Variants in C8orf34 observed in about 807,000 individuals in gnomAD.
C8orf34 encodes the protein chromosome 8 open reading frame 34.
Under a neutral mutation model 68.3 loss-of-function variants are expected in C8orf34, and 65 were observed. The observed-to-expected ratio is 0.95, with a 90% CI of 0.78 to 1.17. The LOEUF (loss-of-function observed/expected upper bound fraction) is 1.17, where lower values mean the gene tolerates loss of function less well. Ranked by LOEUF, C8orf34 falls within the 50% of genes most tolerant of loss-of-function variation. The pLI is 0.00. For synonymous variants in C8orf34, 244 were observed against 241.2 expected, an observed-to-expected ratio of 1.01 and a Z score of -0.11; for missense variants, 664 against 655.4, an observed-to-expected ratio of 1.01 and a Z score of -0.14.
At chr8:68,454,215 G>T (rs1021618950) in intron 3 of C8orf34, among the ~76,000 whole-genome samples, 7 of 151,992 alleles carry the variant, frequency 4.6e-5, no homozygotes, top group Non-Finnish European at 1.0e-4. Flanking sequence ...AAAGATATTG[G>T]TCTGTAATCT....
chr8:68,783,523 C>CAA (rs775189886), intron 11 of C8orf34, among the ~76,000 whole-genome samples: 974 of 52,772 alleles, frequency 0.018, 40 homozygotes, highest in African/African-American at 0.06. Flanking sequence ...GACTTCATCT[C>CAA]AAAAAAAAAA....
intron 5 of C8orf34, among the ~76,000 whole-genome samples, chr8:68,498,250 G>C (rs1394100748): frequency 6.6e-6 from 1 of 152,238 alleles, no homozygotes; most frequent in African/African-American, 2.4e-5. Context: ...TGGCAGAAGA[G>C]ATGGTATGGG....
chr8:68,557,021 C>T (rs1047862342), intron 7 of C8orf34, among the ~76,000 whole-genome samples: 2 of 152,032 alleles, frequency 1.3e-5, no homozygotes, highest in Non-Finnish European at 2.9e-5. Flanking sequence ...TCATTTCTAC[C>T]ATACATACAA....
At chr8:68,417,624 G>C (rs866833740) in intron 1 of C8orf34, among the ~76,000 whole-genome samples, 1 of 152,068 alleles carries the variant, frequency 6.6e-6, no homozygotes, top group African/African-American at 2.4e-5. Context: ...GAAGAGTTTA[G>C]TATTGGTGGA....
At chr8:68,473,630 A>T (rs965160240) in intron 4 of C8orf34, among the ~76,000 whole-genome samples, 1 of 152,136 alleles carries the variant, frequency 6.6e-6, no homozygotes, top group Non-Finnish European at 1.5e-5. Flanking sequence ...GCTGCTTTTC[A>T]TTAAAAGGAA....
At chr8:68,475,868 C>T (rs16934650) in intron 4 of C8orf34, among the ~76,000 whole-genome samples, 5,443 of 152,180 alleles carry the variant, frequency 0.036, 341 homozygotes, top group African/African-American at 0.12. Flanking sequence ...GCCATCCAGA[C>T]ATTGGTCCAT....
chr8:68,809,825 A>C lies in C8orf34; in HGVS notation c.1550-6061A>C, dbSNP rs545251859. On this transcript the variant is annotated intron_variant, in intron 12 of 13. Transcript: ENST00000518698. Reference sequence around the variant, plus strand: ...AAGTTGACTGGCATGGTCTCATTGGAGGTAGTCTGAGGATAGATATGGTGG... The same window carrying C: ...AAGTTGACTGGCATGGTCTCATTGGCGGTAGTCTGAGGATAGATATGGTGG... 2.8e-3 allele frequency among the ~76,000 whole-genome samples: 426 copies of C among 152,202 alleles called. 1 individual carries two copies. The highest frequency in any genetic ancestry group is 9.9e-3 in the African/African-American group (413 of 41,526).
At chr8:68,607,313 TA>T (rs1817884521) in intron 7 of C8orf34, among the ~76,000 whole-genome samples, 1 of 152,148 alleles carries the variant, frequency 6.6e-6, no homozygotes, top group South Asian at 2.1e-4. Flanking sequence ...GTGGGTGGTT[TA>T]AACAACATTT....
At chr8:68,419,458 C>T (rs1809842770) in intron 1 of C8orf34, among the ~76,000 whole-genome samples, 1 of 151,136 alleles carries the variant, frequency 6.6e-6, no homozygotes, top group South Asian at 2.1e-4. Context: ...TACCATTTGA[C>T]CCAGCCATCC....
intron 8 of C8orf34, among the ~76,000 whole-genome samples, chr8:68,693,035 C>G (rs372491995): frequency 3.3e-5 from 5 of 152,208 alleles, no homozygotes; most frequent in African/African-American, 1.2e-4. Flanking sequence ...AGCTAAATTT[C>G]TCCAAGTCAA....
chr8:68,686,693 C>T (rs577061626), intron 8 of C8orf34, among the ~76,000 whole-genome samples: 15 of 152,094 alleles, frequency 9.9e-5, no homozygotes, highest in East Asian at 3.9e-4. Flanking sequence ...ATGCTGAAAT[C>T]GTTTTCCTTG....
intron 10 of C8orf34, among the ~76,000 whole-genome samples, chr8:68,723,571 T>C (rs2129526549): frequency 1.3e-5 from 2 of 152,282 alleles, no homozygotes; most frequent in South Asian, 4.1e-4. Flanking sequence ...TTCTGCCATT[T>C]ATAAACTTTA....
chr8:68,521,871 G>T lies in C8orf34; in HGVS notation c.838G>T (p.Asp280Tyr). 6.2e-7 allele frequency: 1 copy of T among 1,614,054 alleles called. No individual in the cohort carries two copies. The highest frequency in any genetic ancestry group is 1.1e-5 in the South Asian group (1 of 91,086). Residue 280 changes from aspartate (D) to tyrosine (Y), a missense_variant, in exon 6 of 14, where the codon GAT (aspartate) becomes TAT (tyrosine). Coordinates refer to ENST00000518698, the MANE Select transcript of C8orf34 (RefSeq NM_052958.4). Reference protein sequence around the residue: ...IGEWIGREENDADPLAAEMLQ... With the variant: ...IGEWIGREENYADPLAAEMLQ... ...AGAATGGATTGGTAGAGAAGAAAAT[G>T]ATGCTGATCCCCTAGCTGCTGAAAT...
At chr8:68,602,057 G>A (rs1443295690) in intron 7 of C8orf34, among the ~76,000 whole-genome samples, 1 of 152,074 alleles carries the variant, frequency 6.6e-6, no homozygotes, top group African/African-American at 2.4e-5. Flanking sequence ...CTGCCTCGTG[G>A]GGCCTACTGA....
intron 4 of C8orf34, among the ~76,000 whole-genome samples, chr8:68,482,329 T>C (rs928904774): frequency 6.6e-6 from 1 of 152,216 alleles, no homozygotes; most frequent in Non-Finnish European, 1.5e-5. Flanking sequence ...TTATCAGCCA[T>C]GTGAAAACAA....
intron 1 of C8orf34, among the ~76,000 whole-genome samples, chr8:68,401,296 A>G (rs1808943815): frequency 6.6e-6 from 1 of 152,106 alleles, no homozygotes; most frequent in African/African-American, 2.4e-5. Flanking sequence ...AGGATCTTCT[A>G]AAAATAAGAG....
At chr8:68,749,825 A>G (rs1822648703) in intron 10 of C8orf34, among the ~76,000 whole-genome samples, 1 of 152,190 alleles carries the variant, frequency 6.6e-6, no homozygotes, top group African/African-American at 2.4e-5. Context: ...ATTGATGAAT[A>G]CTAGTACTCC....
chr8:68,487,710 TA>T (rs1282344327), intron 4 of C8orf34, among the ~76,000 whole-genome samples: 1 of 152,218 alleles, frequency 6.6e-6, no homozygotes, highest in African/African-American at 2.4e-5. Flanking sequence ...CATCATAACA[TA>T]AAAATGATAT....
intron 1 of C8orf34, among the ~76,000 whole-genome samples, chr8:68,355,915 C>A (rs1806726845): frequency 6.6e-6 from 1 of 152,180 alleles, no homozygotes; most frequent in South Asian, 2.1e-4. Flanking sequence ...TCCCCTGTTT[C>A]TCTGTAGTAT....
Sources: allele counts gnomAD v4.1 joint callset (sites outside exome capture counted in the v4.1 genomes callset), GRCh38; gene constraint gnomAD v4.1.1; transcripts MANE v1.5; gene names NCBI Gene and HGNC (gene_info 2026-07-23, HGNC 2026-07-21).